Variants in POLR3B observed in about 807,000 individuals in gnomAD.
POLR3B encodes DNA-directed RNA polymerase III subunit RPC2.
In POLR3B, 96 loss-of-function variants were observed where a neutral mutation model predicts 147.4. The ratio of observed to expected loss-of-function variants is 0.65; its 90% CI spans 0.55 to 0.77. POLR3B has a LOEUF of 0.77. Among genes scored for constraint, POLR3B ranks in the 30% least tolerant of loss-of-function variants. The pLI, the probability that POLR3B is intolerant of heterozygous loss-of-function variation, is 0.00. For missense variants in POLR3B, 1,036 were observed against 1,413.5 expected (o/e 0.73, Z 4.28); for synonymous variants, 461 against 485.9 (o/e 0.95, Z 0.67).
At chr12:106,393,608 T>G (rs1450915378) in intron 10 of POLR3B, among the ~76,000 whole-genome samples, 1 of 151,594 alleles carries the variant, frequency 6.6e-6, no homozygotes, top group East Asian at 1.9e-4. Context: ...TGTATGTGGT[T>G]TCTATTTCTT....
At chr12:106,433,895 A>G (rs2037542115) in intron 16 of POLR3B, 23 bp downstream of exon 16, 1 of 1,590,924 alleles carries the variant, frequency 6.3e-7, no homozygotes, top group South Asian at 1.1e-5. Context: ...GTTACTAAAA[A>G]GAGTTTTTAA....
chr12:106,421,325 C>T (rs1322269858), intron 12 of POLR3B, among the ~76,000 whole-genome samples: 1 of 151,996 alleles, frequency 6.6e-6, no homozygotes, highest in Non-Finnish European at 1.5e-5. Flanking sequence ...GTCATGGAGT[C>T]AGAGTCAAGT....
rs78297134 is a variant in POLR3B at position 106,444,271 on chromosome 12, G to A, written c.1956-192G>A. Among the ~76,000 whole-genome samples, 932 of 152,238 alleles carry A rather than the reference G, an allele frequency of 6.1e-3. 17 individuals are homozygous for A. Among genetic ancestry groups the A allele is most frequent in the East Asian group, 0.049 (252 of 5,178 alleles). ...ATGTGTTGAATATAGTAATTTATGT[G>A]TTAATTACAATTTCTTATGTTTTAC... On this transcript the variant is annotated intron_variant, in intron 18 of 27. Coordinates refer to ENST00000228347, the MANE Select transcript of POLR3B (RefSeq NM_018082.6).
At chr12:106,463,738 A>C in intron 23 of POLR3B, 118 bp downstream of exon 23, 1 of 812,548 alleles carries the variant, frequency 1.2e-6, no homozygotes, top group South Asian at 1.5e-5. Flanking sequence ...ACATTGTTAT[A>C]AAAATTAATC....
chr12:106,360,973 GT>G (rs1430615131), intron 1 of POLR3B, among the ~76,000 whole-genome samples: 1 of 152,208 alleles, frequency 6.6e-6, no homozygotes, highest in Non-Finnish European at 1.5e-5. Flanking sequence ...TGTGGATGAA[GT>G]GTGGTGGTGC....
Position 106,452,096 on chromosome 12 carries a change from A to G in POLR3B, c.2084-2406A>G, listed in dbSNP as rs2037805003. On this transcript the variant is annotated intron_variant, in intron 19 of 27. Coordinates refer to ENST00000228347, the MANE Select transcript of POLR3B (RefSeq NM_018082.6). Reference sequence around the variant, plus strand: ...CGTGTGCTGCACACAGGCAAGCCCTATCATTTGCTTGCCTGTTGCTTATTG... The same window carrying G: ...CGTGTGCTGCACACAGGCAAGCCCTGTCATTTGCTTGCCTGTTGCTTATTG... 2.6e-5 allele frequency among the ~76,000 whole-genome samples: 4 copies of G among 152,208 alleles called. No individual in the cohort carries two copies. The South Asian group carries it at 8.3e-4, about 32-fold the overall frequency.
intron 25 of POLR3B, chr12:106,500,229 C>A (rs1444256677): frequency 2.2e-6 from 1 of 453,542 alleles, no homozygotes; most frequent in Admixed American, 2.4e-5. Flanking sequence ...TTTTTTAAGA[C>A]ATCAGTTCTC....
chr12:106,465,909 G>A (rs577014394), intron 23 of POLR3B, among the ~76,000 whole-genome samples: 2 of 152,208 alleles, frequency 1.3e-5, no homozygotes, highest in East Asian at 3.9e-4. Context: ...TGTGAATAGT[G>A]CCACAATAAA....
At chr12:106,451,653 G>A (rs2137024875) in intron 19 of POLR3B, among the ~76,000 whole-genome samples, 1 of 140,792 alleles carries the variant, frequency 7.1e-6, no homozygotes, top group South Asian at 2.5e-4. Context: ...GGAGAGGGGA[G>A]GGAAGGAGAG....
At chr12:106,458,363 C>T (rs2037891809) in intron 21 of POLR3B, among the ~76,000 whole-genome samples, 1 of 152,078 alleles carries the variant, frequency 6.6e-6, no homozygotes, top group South Asian at 2.1e-4. Context: ...GGCTCAAGTT[C>T]TCCACCCACC....
chr12:106,378,166 T>C, intron 7 of POLR3B, 101 bp from the exon 8 acceptor site: 2 of 789,840 alleles, frequency 2.5e-6, no homozygotes, highest in Middle Eastern at 2.7e-4. Flanking sequence ...CATGAAGCAG[T>C]AGTAGAAAAG....
At chr12:106,478,775 CAG>C (rs957287530) in intron 23 of POLR3B, among the ~76,000 whole-genome samples, 3 of 151,986 alleles carry the variant, frequency 2.0e-5, no homozygotes, top group African/African-American at 7.2e-5. Flanking sequence ...AAAGGTCAAA[CAG>C]AACAAGAAAG....
intron 23 of POLR3B, among the ~76,000 whole-genome samples, chr12:106,471,150 C>G (rs2038085482): frequency 6.6e-6 from 1 of 152,196 alleles, no homozygotes; most frequent in Non-Finnish European, 1.5e-5. Context: ...ATGGAACTGC[C>G]TCCTCAAGCC....
chr12:106,476,822 C>T (rs113963111), intron 23 of POLR3B, among the ~76,000 whole-genome samples: 4,265 of 152,142 alleles, frequency 0.028, 58 homozygotes, highest in South Asian at 0.069. Context: ...AATGTCCTCC[C>T]GTAGCTCAGA....
At position 106,444,513 on chromosome 12, in the gene POLR3B, C is replaced by T. The variant is rs1427762917; in HGVS notation, c.2006C>T (p.Ala669Val). The change falls in exon 19 of 28, where the codon GCT becomes GTT. Residue 669 changes from alanine to valine, a missense_variant. Ala to Val is a moderately conservative substitution (Grantham distance 64). Transcript: ENST00000228347. ...IEPFTLLGVC[A>V]GLIPYPHHNQ... ...CCCTTCACTCTTCTCGGCGTGTGTG[C>T]TGGACTTATCCCATACCCTCACCAT... 2 of 1,613,878 alleles carry T rather than the reference C, an allele frequency of 1.2e-6. No homozygotes were observed. The highest frequency in any genetic ancestry group is 3.3e-5 in the Admixed American group (2 of 60,010).
intron 12 of POLR3B, among the ~76,000 whole-genome samples, chr12:106,421,106 A>G (rs2037368407): frequency 6.6e-6 from 1 of 151,936 alleles, no homozygotes; most frequent in Admixed American, 6.6e-5. Flanking sequence ...ATATTGTTGC[A>G]TGTTACTGTA....
At chr12:106,462,757 C>T (rs1274600145) in intron 22 of POLR3B, among the ~76,000 whole-genome samples, 1 of 152,132 alleles carries the variant, frequency 6.6e-6, no homozygotes, top group Non-Finnish European at 1.5e-5. Flanking sequence ...TTCAATTAGG[C>T]CTTCGCTCAG....
rs191092961 is a variant in POLR3B, at chr12:106,438,504, T to G, written c.1955+725T>G. 5.1e-3 allele frequency among the ~76,000 whole-genome samples: 774 copies of G among 151,560 alleles called. 6 individuals are homozygous for G. Among genetic ancestry groups the G allele is most frequent in the African/African-American group, 0.018 (743 of 41,434 alleles). ...ATGTATATAAAACCATATATATGTT[T>G]TTTTTTTTTTGAGACAAGGTCTTGC... is the stretch of plus-strand genomic sequence containing the variant. On this transcript the variant is annotated intron_variant, in intron 18 of 27. Transcript: ENST00000228347.
intron 23 of POLR3B, among the ~76,000 whole-genome samples, chr12:106,465,192 G>A (rs1465939407): frequency 2.6e-5 from 4 of 152,040 alleles, no homozygotes; most frequent in African/African-American, 4.8e-5. Flanking sequence ...AACCTTATTC[G>A]CTAGGTCATT....
Sources: allele counts gnomAD v4.1 joint callset (sites outside exome capture counted in the v4.1 genomes callset), GRCh38; gene constraint gnomAD v4.1.1; transcripts MANE v1.5; gene names NCBI Gene and HGNC (gene_info 2026-07-23, HGNC 2026-07-21).